EPB41L4A: variants seen among roughly 807,000 people sequenced by gnomAD.
The protein encoded by EPB41L4A is erythrocyte membrane protein band 4.1 like 4A.
In EPB41L4A, 100 loss-of-function variants were observed where a neutral mutation model predicts 108.6. The observed-to-expected ratio is 0.92, with a 90% CI of 0.78 to 1.09. The LOEUF is 1.09. EPB41L4A is among the 50% of genes least tolerant of loss of function. EPB41L4A has a pLI of 0.00. For synonymous variants in EPB41L4A, 319 were observed against 289.0 expected (o/e 1.10, Z -1.05); for missense variants, 1,030 against 842.7 (o/e 1.22, Z -2.75).
Position 112,401,733 on chromosome 5 carries a change from T to C in EPB41L4A, c.99+17208A>G, listed in dbSNP as rs73214267. ...AATGCAGCTGAATTGACCCAACTAG[T>C]GTCAATGACTCTTCCATGGAGACGA... is the stretch of plus-strand genomic sequence containing the variant. On this transcript the variant is annotated intron_variant, in intron 1 of 22. Transcript: ENST00000261486. Among the ~76,000 whole-genome samples, 523 of 152,268 alleles carry C rather than the reference T, an allele frequency of 3.4e-3. 3 individuals carry two copies. The highest frequency in any genetic ancestry group is 0.012 in the African/African-American group (506 of 41,574).
At chr5:112,357,411 A>T (rs1207248756) in intron 1 of EPB41L4A, among the ~76,000 whole-genome samples, 1 of 152,222 alleles carries the variant, frequency 6.6e-6, no homozygotes, top group Non-Finnish European at 1.5e-5. Flanking sequence ...CCAATATACA[A>T]GGCACAAGAA....
intron 1 of EPB41L4A, among the ~76,000 whole-genome samples, chr5:112,364,044 T>G (rs748690695): frequency 7.2e-5 from 11 of 152,172 alleles, no homozygotes; most frequent in Non-Finnish European, 1.6e-4. Context: ...TTCATTTATT[T>G]TTAGACGGAG....
At chr5:112,218,540 C>A (rs958323836) in intron 12 of EPB41L4A, among the ~76,000 whole-genome samples, 2 of 152,204 alleles carry the variant, frequency 1.3e-5, no homozygotes, top group African/African-American at 2.4e-5. Flanking sequence ...ACAATTTATG[C>A]TTGCTTGGTC....
At chr5:112,262,337 A>T (rs990718446) in intron 7 of EPB41L4A, among the ~76,000 whole-genome samples, 157 bp downstream of exon 7, 3 of 152,218 alleles carry the variant, frequency 2.0e-5, no homozygotes, top group African/African-American at 7.2e-5. Flanking sequence ...TTAGGGTTTA[A>T]TCCACACGAG....
At chr5:112,328,284 T>G (rs1027669800) in intron 1 of EPB41L4A, among the ~76,000 whole-genome samples, 19 of 151,918 alleles carry the variant, frequency 1.3e-4, no homozygotes, top group African/African-American at 4.6e-4. Context: ...ACTCCAGCCT[T>G]GGTGACACGG....
Position 112,378,445 on chromosome 5 carries a change from A to C in EPB41L4A, c.99+40496T>G, listed in dbSNP as rs6883585. Among the ~76,000 whole-genome samples the C allele has an allele frequency of 7.6e-3, 1,158 of 152,322 alleles. 22 individuals are homozygous for C. The highest frequency in any genetic ancestry group is 0.037 in the East Asian group (190 of 5,184). On this transcript the variant is annotated intron_variant, in intron 1 of 22. Coordinates refer to ENST00000261486, the MANE Select transcript of EPB41L4A (RefSeq NM_022140.5). ...TTGATATAATCTTAAAAAGCAAAAA[A>C]TTCAGGATGATCAGGATATAAATTA...
intron 1 of EPB41L4A, among the ~76,000 whole-genome samples, chr5:112,349,344 G>A (rs1321292820): frequency 6.6e-6 from 1 of 152,146 alleles, no homozygotes; most frequent in African/African-American, 2.4e-5. Flanking sequence ...AGTGAACCTT[G>A]GAAAGAGGCA....
chr5:112,225,056 CTG>C (rs1361621654), intron 12 of EPB41L4A, among the ~76,000 whole-genome samples: 1 of 152,328 alleles, frequency 6.6e-6, no homozygotes, highest in Non-Finnish European at 1.5e-5. Context: ...TATTATGTTA[CTG>C]TCTTTTCCCA....
intron 1 of EPB41L4A, among the ~76,000 whole-genome samples, chr5:112,414,388 C>T (rs1380370813): frequency 4.6e-5 from 7 of 152,146 alleles, no homozygotes; most frequent in Admixed American, 6.5e-5. Context: ...TGGTTCTCAA[C>T]GGAGGGTGAT....
At chr5:112,201,430 T>C (rs1260580737) in intron 15 of EPB41L4A, among the ~76,000 whole-genome samples, 1 of 152,154 alleles carries the variant, frequency 6.6e-6, no homozygotes, top group East Asian at 1.9e-4. Flanking sequence ...GGAGTGTATA[T>C]GCTGCAAACT....
At chr5:112,209,218 G>T (rs562885534) in intron 13 of EPB41L4A, among the ~76,000 whole-genome samples, 113 of 152,344 alleles carry the variant, frequency 7.4e-4, no homozygotes, top group Middle Eastern at 3.4e-3. Flanking sequence ...CCCCTATAGA[G>T]AAAGTGAGCT....
At chr5:112,188,208 T>C (rs560481814) in intron 17 of EPB41L4A, among the ~76,000 whole-genome samples, 5 of 151,892 alleles carry the variant, frequency 3.3e-5, no homozygotes, top group African/African-American at 9.7e-5. Flanking sequence ...TCACCTGCTA[T>C]AAAGCAATCT....
chr5:112,402,947 G>A (rs748638502), intron 1 of EPB41L4A, among the ~76,000 whole-genome samples: 4 of 151,870 alleles, frequency 2.6e-5, no homozygotes, highest in Non-Finnish European at 5.9e-5. Flanking sequence ...AAACACAACT[G>A]ACCCAAATAT....
At chr5:112,245,978 CT>C (rs1252135521) in intron 9 of EPB41L4A, among the ~76,000 whole-genome samples, 3 of 152,072 alleles carry the variant, frequency 2.0e-5, no homozygotes, top group African/African-American at 7.2e-5. Flanking sequence ...CTTCCGAGGC[CT>C]TTGTGAAAGG....
intron 11 of EPB41L4A, among the ~76,000 whole-genome samples, chr5:112,236,258 G>A (rs570299089): frequency 6.6e-6 from 1 of 152,244 alleles, no homozygotes; most frequent in Non-Finnish European, 1.5e-5. Context: ...AAAGTGATCT[G>A]CCATAGGCTA....
chr5:112,183,207 C>A (rs989524470), intron 18 of EPB41L4A, among the ~76,000 whole-genome samples: 2 of 152,052 alleles, frequency 1.3e-5, no homozygotes, highest in African/African-American at 4.8e-5. Context: ...CCTCAGAGCT[C>A]CCTACCTACC....
intron 1 of EPB41L4A, among the ~76,000 whole-genome samples, chr5:112,398,383 T>G (rs548344248): frequency 5.9e-4 from 89 of 151,748 alleles, no homozygotes; most frequent in African/African-American, 1.2e-3. Context: ...GAATGTGGGG[T>G]TTTTTTTGTT....
In EPB41L4A at chr5:112,399,944, C is replaced by T. The variant is rs975040292; in HGVS notation, c.99+18997G>A. 5.9e-5 allele frequency among the ~76,000 whole-genome samples: 9 copies of T among 152,184 alleles called. 1 individual carries two copies. The South Asian group carries it at 1.9e-3, about 32-fold the overall frequency. ...CACTGGTTCAATATCACACTACCAGCCCTAGATTACATTTATGTGTTAGGC... is the reference window on the plus strand; with the variant it reads ...CACTGGTTCAATATCACACTACCAGTCCTAGATTACATTTATGTGTTAGGC... On this transcript the variant is annotated intron_variant, in intron 1 of 22. Transcript: ENST00000261486.
chr5:112,375,723 A>C (rs1006637573), intron 1 of EPB41L4A, among the ~76,000 whole-genome samples: 3 of 147,752 alleles, frequency 2.0e-5, no homozygotes, highest in African/African-American at 2.5e-5. Flanking sequence ...GAAGGTTGGG[A>C]AGTTTGTTTT....
Sources: gnomAD v4.1 joint callset for allele counts (sites outside exome capture counted in the v4.1 genomes callset) on GRCh38, gnomAD v4.1.1 for gene constraint, MANE v1.5 for transcripts, NCBI Gene and HGNC (gene_info 2026-07-23, HGNC 2026-07-21) for gene names.